MAD1L1: variants seen among roughly 807,000 people sequenced by gnomAD.
The protein encoded by MAD1L1 is mitotic spindle assembly checkpoint protein MAD1.
A neutral mutation model predicts 96.9 loss-of-function variants in MAD1L1; 95 were observed. The observed-to-expected ratio is 0.98, with a 90% confidence interval of 0.83 to 1.16. The LOEUF (loss-of-function observed/expected upper bound fraction) is 1.16, where lower values mean the gene tolerates loss of function less well. MAD1L1 is among the 50% of genes most tolerant of loss of function. The probability of loss-of-function intolerance (pLI) is 0.00; values close to 1 mark genes in which losing one functional copy is unlikely to be tolerated. For missense variants in MAD1L1, 1,007 were observed against 954.4 expected (o/e 1.06, Z -0.73); for synonymous variants, 473 against 396.6 (o/e 1.19, Z -2.29).
intron 11 of MAD1L1, among the ~76,000 whole-genome samples, chr7:2,133,947 C>T (rs1363433584): frequency 2.0e-5 from 3 of 152,214 alleles, no homozygotes; most frequent in Non-Finnish European, 2.9e-5. Flanking sequence ...TGGTTTTACG[C>T]TAAGTCTTGA....
chr7:1,889,485 C>A (rs1245169620), intron 18 of MAD1L1, among the ~76,000 whole-genome samples: 2 of 152,238 alleles, frequency 1.3e-5, no homozygotes. Flanking sequence ...GGCTCCACAG[C>A]AGCCCAGCTG....
intron 11 of MAD1L1, among the ~76,000 whole-genome samples, chr7:2,094,611 C>T (rs1260289920): frequency 6.6e-6 from 1 of 151,180 alleles, no homozygotes; most frequent in South Asian, 2.1e-4. Flanking sequence ...AGACAGGGTG[C>T]TCCAGAAAGA....
At chr7:2,165,443 G>A (rs974902406) in intron 10 of MAD1L1, among the ~76,000 whole-genome samples, 5 of 152,012 alleles carry the variant, frequency 3.3e-5, no homozygotes, top group Middle Eastern at 3.2e-3. Context: ...TGCCTGAGCC[G>A]TCAGCATGAA....
intron 11 of MAD1L1, among the ~76,000 whole-genome samples, chr7:2,128,969 T>G (rs1788373765): frequency 6.6e-6 from 1 of 152,156 alleles, no homozygotes; most frequent in Admixed American, 6.5e-5. Flanking sequence ...TCCCAAGGCT[T>G]CAGGGCATCT....
chr7:2,022,876 CA>C (rs1249804429), intron 12 of MAD1L1, among the ~76,000 whole-genome samples: 1 of 152,018 alleles, frequency 6.6e-6, no homozygotes, highest in African/African-American at 2.4e-5. Flanking sequence ...ACACTAAGCC[CA>C]AATAAAAGAA....
chr7:2,136,804 C>A (rs1788775583), intron 11 of MAD1L1, among the ~76,000 whole-genome samples: 1 of 152,250 alleles, frequency 6.6e-6, no homozygotes, highest in Non-Finnish European at 1.5e-5. Context: ...CGGAGCTGCT[C>A]TCCACACCTG....
rs141967519 is a variant in MAD1L1, at chr7:1,944,751, G to C, written c.1597-7854C>G. Among the ~76,000 whole-genome samples the C allele has an allele frequency of 5.8e-3, 885 of 152,268 alleles. 17 individuals are homozygous for C. The highest frequency in any genetic ancestry group is 0.02 in the African/African-American group (847 of 41,566). On this transcript the variant is annotated intron_variant, in intron 16 of 18. Transcript: ENST00000265854. ...CGTCGGCCCTCTCCCACTCCTGCCA[G>C]CTGGGCCCAGACACCAAGTGCAGTG... is the stretch of plus-strand genomic sequence containing the variant.
chr7:1,888,691 CGT>C lies in MAD1L1; in HGVS notation c.1998+9507_1998+9508del, dbSNP rs746095784. Among the ~76,000 whole-genome samples the C allele has an allele frequency of 4.7e-5, 7 of 150,254 alleles. No homozygotes were observed. In the South Asian group the frequency reaches 6.3e-4, roughly 14 times the overall value. On this transcript the variant is annotated intron_variant, in intron 18 of 18. Transcript: ENST00000265854. ...GTGGCTGTCTGTGCATGTGTCCATGCGTGTGTGTCGTGTGTGGCTGCCCGTGC... is the reference window on the plus strand; with the variant it reads ...GTGGCTGTCTGTGCATGTGTCCATGCGTGTGTCGTGTGTGGCTGCCCGTGC...
At chr7:1,864,779 A>G (rs1784701060) in intron 18 of MAD1L1, among the ~76,000 whole-genome samples, 1 of 151,922 alleles carries the variant, frequency 6.6e-6, no homozygotes, top group African/African-American at 2.4e-5. Context: ...CTGTTGGGAG[A>G]GCCTGGTGCC....
At chr7:2,116,384 G>A (rs146459787) in intron 11 of MAD1L1, among the ~76,000 whole-genome samples, 16 of 152,326 alleles carry the variant, frequency 1.1e-4, no homozygotes, top group Middle Eastern at 6.8e-3. Flanking sequence ...CTTCCTGAAC[G>A]GGAGCGACAA....
At chr7:1,990,448 C>T (rs1781357841) in intron 14 of MAD1L1, among the ~76,000 whole-genome samples, 1 of 152,238 alleles carries the variant, frequency 6.6e-6, no homozygotes, top group South Asian at 2.1e-4. Flanking sequence ...GCTTCCTTTC[C>T]AGCCTGGAGG....
intron 18 of MAD1L1, among the ~76,000 whole-genome samples, chr7:1,876,697 G>A (rs1785402456): frequency 6.6e-6 from 1 of 150,646 alleles, no homozygotes; most frequent in African/African-American, 2.4e-5. Flanking sequence ...GCTAAAAGAT[G>A]ACAACTCATC....
In MAD1L1 at chr7:2,019,135, G is replaced by A. The variant is rs149485355; in HGVS notation, c.1219-4493C>T. Among the ~76,000 whole-genome samples, 925 of 151,978 alleles carry A rather than the reference G, an allele frequency of 6.1e-3. 8 individuals carry two copies. Among genetic ancestry groups the A allele is most frequent in the African/African-American group, 0.021 (881 of 41,452 alleles). On this transcript the variant is annotated intron_variant, in intron 12 of 18. Transcript: ENST00000265854. ...CCACTGACGCCGGCACCATCTCCTCGCTGCCACCCGCCTCCCCAGAGTCCT... is the reference window on the plus strand; with the variant it reads ...CCACTGACGCCGGCACCATCTCCTCACTGCCACCCGCCTCCCCAGAGTCCT...
chr7:1,907,601 T>C (rs115983161), intron 17 of MAD1L1, among the ~76,000 whole-genome samples: 42 of 152,326 alleles, frequency 2.8e-4, no homozygotes, highest in African/African-American at 1.0e-3. Context: ...CCAGGCTCCA[T>C]ACACTGCCTG....
chr7:1,912,309 C>G (rs1465572936), intron 17 of MAD1L1, among the ~76,000 whole-genome samples: 1 of 152,218 alleles, frequency 6.6e-6, no homozygotes, highest in Non-Finnish European at 1.5e-5. Context: ...AAAAGGAAAA[C>G]TTAACCTATC....
At chr7:2,212,443 G>C (rs1203305275) in intron 10 of MAD1L1, among the ~76,000 whole-genome samples, 1 of 152,202 alleles carries the variant, frequency 6.6e-6, no homozygotes, top group Non-Finnish European at 1.5e-5. Flanking sequence ...AGTGCTGAAA[G>C]TGGGGCCCCG....
intron 11 of MAD1L1, among the ~76,000 whole-genome samples, chr7:2,130,405 G>A (rs1788456500): frequency 6.6e-6 from 1 of 152,204 alleles, no homozygotes; most frequent in Admixed American, 6.5e-5. Flanking sequence ...CAGATGAACA[G>A]ACCGAGAAAT....
chr7:1,985,793 CCTA>C (rs1781112841), intron 14 of MAD1L1, among the ~76,000 whole-genome samples: 1 of 1,554 alleles, frequency 6.4e-4, no homozygotes, highest in Admixed American at 0.012. Flanking sequence ...TGTACTGCCC[CCTA>C]CTGCCCCCTC....
At position 2,230,361 on chromosome 7, in the gene MAD1L1, A is replaced by C. The variant is rs1433960477; in HGVS notation, c.-11+188T>G. On this transcript the variant is annotated intron_variant, in intron 2 of 18. Coordinates refer to ENST00000265854, the MANE Select transcript of MAD1L1 (RefSeq NM_001013836.2). ...CAAGGAAGCATGCCACCAAATCCCCACCAGCAAGCCACCAATTGAGTCTCA... is the reference window on the plus strand; with the variant it reads ...CAAGGAAGCATGCCACCAAATCCCCCCCAGCAAGCCACCAATTGAGTCTCA... 12 of 470,912 alleles carry C rather than the reference A, an allele frequency of 2.5e-5. No homozygotes were observed. In the East Asian group the frequency reaches 3.4e-4, roughly 13 times the overall value. The allele number at this position is 470,912 out of a possible 1,614,324, so 29.2% of individuals were successfully genotyped here.
Sources: allele counts gnomAD v4.1 joint callset (sites outside exome capture counted in the v4.1 genomes callset), GRCh38; gene constraint gnomAD v4.1.1; transcripts MANE v1.5; gene names NCBI Gene and HGNC (gene_info 2026-07-23, HGNC 2026-07-21).